FHIP1A: variants seen among roughly 807,000 people sequenced by gnomAD.
The protein encoded by FHIP1A is FHF complex subunit HOOK-interacting protein 1A.
FHIP1A carries 61 observed loss-of-function variants against 88.6 expected under a neutral mutation model. The ratio of observed to expected loss-of-function variants is 0.69; its 90% CI spans 0.56 to 0.85. The LOEUF is 0.85. Ranked by LOEUF, FHIP1A falls within the 40% of genes least tolerant of loss-of-function variation. FHIP1A has a pLI of 0.00. For missense variants in FHIP1A, 1,154 were observed against 1,273.5 expected, an observed-to-expected ratio of 0.91 and a Z score of 1.43; for synonymous variants, 478 against 496.0, an observed-to-expected ratio of 0.96 and a Z score of 0.48.
At chr4:151,433,517 A>G (rs190130095) in intron 1 of FHIP1A, among the ~76,000 whole-genome samples, 1 of 152,216 alleles carries the variant, frequency 6.6e-6, no homozygotes, top group African/African-American at 2.4e-5. Flanking sequence ...ATTAGTTTGA[A>G]ACTTGCGGAG....
intron 7 of FHIP1A, among the ~76,000 whole-genome samples, chr4:151,598,753 A>C (rs1443573376): frequency 6.6e-6 from 1 of 152,216 alleles, no homozygotes; most frequent in Non-Finnish European, 1.5e-5. Context: ...TATAGTGTGA[A>C]TAGGTTCACA....
At chr4:151,545,610 C>T (rs1732471949) in intron 3 of FHIP1A, among the ~76,000 whole-genome samples, 1 of 151,904 alleles carries the variant, frequency 6.6e-6, no homozygotes, top group South Asian at 2.1e-4. Flanking sequence ...ATCTCCTGAC[C>T]TCGTGATCCA....
chr4:151,602,911 A>G (rs1288090260), intron 7 of FHIP1A, among the ~76,000 whole-genome samples: 2 of 152,238 alleles, frequency 1.3e-5, no homozygotes, highest in East Asian at 3.8e-4. Flanking sequence ...CTTTCTAGCT[A>G]TAAAACCTTT....
At chr4:151,462,989 C>G (rs1475146544) in intron 2 of FHIP1A, among the ~76,000 whole-genome samples, 2 of 152,256 alleles carry the variant, frequency 1.3e-5, no homozygotes, top group Middle Eastern at 3.4e-3. Context: ...ATCCAGTTCC[C>G]TGCATTATTA....
At chr4:151,660,577 A>G (rs2126930784) in intron 13 of FHIP1A, among the ~76,000 whole-genome samples, 1 of 152,316 alleles carries the variant, frequency 6.6e-6, no homozygotes, top group Non-Finnish European at 1.5e-5. Context: ...AGGGGTTGCT[A>G]AAGACATGTT....
At chr4:151,419,061 C>A (rs1271296730) in intron 1 of FHIP1A, among the ~76,000 whole-genome samples, 1 of 152,116 alleles carries the variant, frequency 6.6e-6, no homozygotes, top group African/African-American at 2.4e-5. Context: ...TATCAACTTG[C>A]CTGGGCCACA....
intron 7 of FHIP1A, among the ~76,000 whole-genome samples, chr4:151,618,007 T>C (rs1735607291): frequency 6.6e-6 from 1 of 152,238 alleles, no homozygotes; most frequent in South Asian, 2.1e-4. Flanking sequence ...AACTTTCACA[T>C]AGGACTGCAC....
chr4:151,651,861 G>T (rs142117690), intron 11 of FHIP1A, among the ~76,000 whole-genome samples: 2 of 152,188 alleles, frequency 1.3e-5, no homozygotes, highest in African/African-American at 4.8e-5. Flanking sequence ...AGTTCTAGTT[G>T]AGATAACATT....
chr4:151,662,065 G>A (rs1020196793), intron 13 of FHIP1A, among the ~76,000 whole-genome samples: 1 of 152,194 alleles, frequency 6.6e-6, no homozygotes, highest in Non-Finnish European at 1.5e-5. Context: ...GCTATGCTGT[G>A]CTGTCAGGGC....
At chr4:151,552,648 G>T (rs867626945) in intron 3 of FHIP1A, among the ~76,000 whole-genome samples, 1 of 151,990 alleles carries the variant, frequency 6.6e-6, no homozygotes, top group Non-Finnish European at 1.5e-5. Context: ...ACACAGGGTG[G>T]GGAACATCAC....
intron 3 of FHIP1A, among the ~76,000 whole-genome samples, chr4:151,491,752 A>G (rs1730290774): frequency 6.6e-6 from 1 of 152,282 alleles, no homozygotes. Context: ...CAAGAGACTC[A>G]CCTAACACAT....
intron 1 of FHIP1A, among the ~76,000 whole-genome samples, chr4:151,453,649 G>A (rs781245135): frequency 1.3e-4 from 20 of 152,078 alleles, no homozygotes; most frequent in Non-Finnish European, 2.1e-4. Context: ...TCGGGAGTTC[G>A]AGACCAGCTC....
chr4:151,555,863 T>G (rs1190750262), intron 3 of FHIP1A, among the ~76,000 whole-genome samples: 1 of 152,174 alleles, frequency 6.6e-6, no homozygotes, highest in African/African-American at 2.4e-5. Flanking sequence ...GCAACAAATA[T>G]AGAATACTGA....
At chr4:151,640,611 C>A (rs1406158690) in intron 9 of FHIP1A, among the ~76,000 whole-genome samples, 1 of 152,148 alleles carries the variant, frequency 6.6e-6, no homozygotes, top group African/African-American at 2.4e-5. Flanking sequence ...TGGGTAAAGC[C>A]TGATGGTATT....
chr4:151,592,074 C>T (rs1037401736), intron 7 of FHIP1A, among the ~76,000 whole-genome samples: 3 of 152,168 alleles, frequency 2.0e-5, no homozygotes, highest in African/African-American at 7.2e-5. Flanking sequence ...CTAATTTACA[C>T]TCCCGCCAAC....
chr4:151,591,684 A>C (rs1467134224), intron 7 of FHIP1A, among the ~76,000 whole-genome samples: 1 of 151,996 alleles, frequency 6.6e-6, no homozygotes, highest in African/African-American at 2.4e-5. Flanking sequence ...CCCACTTATG[A>C]GTGAGAACAT....
At chr4:151,535,963 C>G (rs1732052612) in intron 3 of FHIP1A, among the ~76,000 whole-genome samples, 1 of 152,204 alleles carries the variant, frequency 6.6e-6, no homozygotes, top group Admixed American at 6.5e-5. Flanking sequence ...ACAGTTAATA[C>G]TCTAAAAATG....
At chr4:151,412,256 C>T (rs1580534086) in intron 1 of FHIP1A, among the ~76,000 whole-genome samples, 1 of 152,266 alleles carries the variant, frequency 6.6e-6, no homozygotes, top group East Asian at 1.9e-4. Context: ...GTGCCCACCA[C>T]CATGCTCAGC....
chr4:151,522,037 T>C (rs1322608369), intron 3 of FHIP1A, among the ~76,000 whole-genome samples: 1 of 152,218 alleles, frequency 6.6e-6, no homozygotes, highest in African/African-American at 2.4e-5. Flanking sequence ...ATGTTGGTTA[T>C]TTTTAGCAAA....
Sources: allele counts gnomAD v4.1 joint callset (sites outside exome capture counted in the v4.1 genomes callset), GRCh38; gene constraint gnomAD v4.1.1; transcripts MANE v1.5; gene names NCBI Gene and HGNC (gene_info 2026-07-23, HGNC 2026-07-21).